Variants in SLC12A7 observed in about 807,000 individuals in gnomAD.
SLC12A7 encodes K-Cl cotransporter 4.
A neutral mutation model predicts 120.6 loss-of-function variants in SLC12A7; 100 were observed. That is an observed-to-expected ratio of 0.83 (90% CI 0.71 to 0.98). The LOEUF is 0.98. SLC12A7 is among the 50% of genes least tolerant of loss of function. The pLI is 0.00. For synonymous variants in SLC12A7, 760 were observed against 678.0 expected, an observed-to-expected ratio of 1.12 and a Z score of -1.88; for missense variants, 1,373 against 1,548.1, an observed-to-expected ratio of 0.89 and a Z score of 1.90.
Position 1,057,700 on chromosome 5 carries a change from G to A in SLC12A7, c.2848-51C>T, listed in dbSNP as rs185072308. The stretch of plus-strand genomic sequence containing the variant: ...CCAGCCGGTCTCAAAACTCCTCTGG[G>A]CGAGAGCGACCCGGGATGCCAGGCC... On this transcript the variant is annotated intron_variant, in intron 21 of 23. Coordinates refer to ENST00000264930, the MANE Select transcript of SLC12A7 (RefSeq NM_006598.3). The A allele has an allele frequency of 2.7e-3, 4,152 of 1,527,264 alleles. 16 individuals carry two copies. The highest frequency in any genetic ancestry group is 3.1e-3 in the Non-Finnish European group (3,565 of 1,138,930). The allele number at this position is 1,527,264 out of a possible 1,614,324, so 94.6% of individuals were successfully genotyped here.
At chr5:1,120,317 G>A in the SLC12A7 span, among the ~76,000 whole-genome samples, 6 of 152,234 alleles carry the variant, frequency 3.9e-5, no homozygotes, top group Admixed American at 2.0e-4. Flanking sequence ...CCCCCCCACC[G>A]GCAGTGTCCG....
chr5:1,052,422 C>G lies in SLC12A7; in HGVS notation c.3190G>C (p.Gly1064Arg), dbSNP rs1252641753. The G allele has an allele frequency of 6.2e-7, 1 of 1,612,906 alleles. No homozygotes were observed. Among genetic ancestry groups the G allele is most frequent in the Non-Finnish European group, 8.5e-7 (1 of 1,179,988 alleles). ...YMEFLEVLTE[G>R]LNRVLLVRGG... is the part of the protein sequence containing the mutation. ...CTGACCAGGAGGACTCTGTTCAGCC[C>G]CTCGGTCAGGACTTCAAGAAACTCC... Residue 1064 changes from glycine (G) to arginine (R), a missense_variant, in exon 24 of 24, where the codon GGG (glycine) becomes CGG (arginine). Transcript: ENST00000264930.
At chr5:1,058,893 C>CCCAG (rs35377186) in intron 21 of SLC12A7, among the ~76,000 whole-genome samples, 2 of 152,030 alleles carry the variant, frequency 1.3e-5, no homozygotes, top group African/African-American at 4.8e-5. Flanking sequence ...TCATCCAAAC[C>CCCAG]CTTCTGCAGA....
chr5:1,134,283 A>G, the SLC12A7 span, among the ~76,000 whole-genome samples: 1 of 152,140 alleles, frequency 6.6e-6, no homozygotes, highest in Non-Finnish European at 1.5e-5. Flanking sequence ...CAGCCTGGCC[A>G]ACATGATGAA....
chr5:1,076,556 C>T (rs943278236), intron 13 of SLC12A7, 138 bp downstream of exon 13: 16 of 693,642 alleles, frequency 2.3e-5, no homozygotes, highest in Non-Finnish European at 3.9e-5. Context: ...GGCGCAACTC[C>T]CTTCCCGGCA....
In SLC12A7 at chr5:1,085,479, G is replaced by T; in HGVS notation, c.676-6C>A. The T allele has an allele frequency of 6.3e-7, 1 of 1,599,710 alleles. No homozygotes were observed. Among genetic ancestry groups the T allele is most frequent in the East Asian group, 2.3e-5 (1 of 44,254 alleles). Reference sequence around the variant, plus strand: ...GCACCCGGGGAGATGTACGTCTGTGGGAACAAGGCCGGTCGGGAGGCCGTC... The same window carrying T: ...GCACCCGGGGAGATGTACGTCTGTGTGAACAAGGCCGGTCGGGAGGCCGTC... On this transcript the variant is annotated splice_region_variant and splice_polypyrimidine_tract_variant and intron_variant, in intron 6 of 23. Coordinates refer to ENST00000264930, the MANE Select transcript of SLC12A7 (RefSeq NM_006598.3).
intron 4 of SLC12A7, among the ~76,000 whole-genome samples, chr5:1,088,663 C>G (rs970394459): frequency 6.6e-6 from 1 of 152,232 alleles, no homozygotes; most frequent in Non-Finnish European, 1.5e-5. Context: ...CCTCAGCCCC[C>G]GGGTGCCGCC....
At chr5:1,078,350 G>T (rs1738604717) in intron 11 of SLC12A7, among the ~76,000 whole-genome samples, 1 of 152,112 alleles carries the variant, frequency 6.6e-6, no homozygotes, top group South Asian at 2.1e-4. Flanking sequence ...AGGATGCAGG[G>T]TCAGTGATGA....
At chr5:1,057,070 C>G (rs1344223979) in intron 22 of SLC12A7, 1 of 174,472 alleles carries the variant, frequency 5.7e-6, no homozygotes, top group African/African-American at 2.4e-5. Flanking sequence ...AGGGCTGGCC[C>G]AGGTACCAGG....
the SLC12A7 span, among the ~76,000 whole-genome samples, chr5:1,150,423 G>T: frequency 1.3e-5 from 2 of 152,130 alleles, no homozygotes; most frequent in Non-Finnish European, 2.9e-5. Flanking sequence ...CTGCACCAAG[G>T]CCCAAAGGCC....
chr5:1,065,660 C>T (rs1736976413), intron 17 of SLC12A7, among the ~76,000 whole-genome samples, 182 bp from the exon 18 acceptor site: 1 of 152,084 alleles, frequency 6.6e-6, no homozygotes, highest in Non-Finnish European at 1.5e-5. Context: ...TGTGTATGTG[C>T]GTGCTCACAC....
Position 1,051,152 on chromosome 5 carries a change from G to A in SLC12A7, c.*1208C>T, listed in dbSNP as rs1403854213. On this transcript the variant is annotated 3_prime_UTR_variant, in exon 24 of 24. Coordinates refer to ENST00000264930, the MANE Select transcript of SLC12A7 (RefSeq NM_006598.3). ...ACAAAGCAGAAACTCACAGCCAGCC[G>A]AAGTGCAAAGTGTTGGGCCCTTGAA... is the stretch of plus-strand genomic sequence containing the variant. The A allele has an allele frequency of 6.4e-5, 25 of 389,256 alleles. No homozygotes were observed. The highest frequency in any genetic ancestry group is 4.7e-4 in the East Asian group (13 of 27,502). The allele number at this position is 389,256 out of a possible 1,614,324, so 24.1% of individuals were successfully genotyped here.
Position 1,085,460 on chromosome 5 carries a change from G to T in SLC12A7, c.689C>A (p.Pro230Gln), listed in dbSNP as rs752118305. ...TIEIFLTYISPGAAIFQAEAA... is the reference protein window; with the variant it reads ...TIEIFLTYISQGAAIFQAEAA... ...CTCCGCCTGGAAGATGGCCGCACCC[G>T]GGGAGATGTACGTCTGTGGGAACAA... The change falls in exon 7 of 24, where the codon CCG becomes CAG. Residue 230 changes from proline (P) to glutamine (Q), a missense_variant. Transcript: ENST00000264930. 1 of 1,606,524 alleles carries T rather than the reference G, an allele frequency of 6.2e-7. No homozygotes were observed.
At chr5:1,137,557 T>A in the SLC12A7 span, among the ~76,000 whole-genome samples, 2 of 152,110 alleles carry the variant, frequency 1.3e-5, no homozygotes, top group Non-Finnish European at 2.9e-5. Flanking sequence ...TGCCTGGACG[T>A]CCAGACCCCC....
the SLC12A7 span, among the ~76,000 whole-genome samples, chr5:1,149,539 T>C: frequency 6.6e-6 from 1 of 152,076 alleles, no homozygotes; most frequent in Non-Finnish European, 1.5e-5. Flanking sequence ...ATGGTGCCAC[T>C]GCACTGCGGC....
At chr5:1,131,609 T>A in the SLC12A7 span, among the ~76,000 whole-genome samples, 1 of 152,090 alleles carries the variant, frequency 6.6e-6, no homozygotes, top group Non-Finnish European at 1.5e-5. Context: ...CCTCTCCGGG[T>A]CCCTAACCAG....
At chr5:1,073,612 C>T (rs11746195) in intron 17 of SLC12A7, 21 bp downstream of exon 17, 20 of 1,592,058 alleles carry the variant, frequency 1.3e-5, no homozygotes, top group Non-Finnish European at 1.7e-5. Flanking sequence ...AGGCCTGGCC[C>T]CCAGACCCCG....
intron 23 of SLC12A7, 72 bp downstream of exon 23, chr5:1,053,277 A>G: frequency 6.5e-7 from 1 of 1,546,434 alleles, no homozygotes; most frequent in Non-Finnish European, 8.7e-7. Flanking sequence ...CAGCACCCAC[A>G]AACCCAGGTC....
At chr5:1,057,418 G>A (rs540853608) in intron 22 of SLC12A7, 53 bp downstream of exon 22, 30 of 1,531,094 alleles carry the variant, frequency 2.0e-5, no homozygotes, top group Admixed American at 7.4e-5. Context: ...CCTCACTGCC[G>A]GGCCAGCACT....
Sources: allele counts gnomAD v4.1 joint callset (sites outside exome capture counted in the v4.1 genomes callset), GRCh38; gene constraint gnomAD v4.1.1; transcripts MANE v1.5; gene names NCBI Gene and HGNC (gene_info 2026-07-23, HGNC 2026-07-21).